The following ZNF383 variants were observed in gnomAD, a reference collection of about 807,000 sequenced individuals.
The protein encoded by ZNF383 is zinc finger protein 383.
In ZNF383, 32 loss-of-function variants were observed where a neutral mutation model predicts 44.2. The ratio of observed to expected loss-of-function variants is 0.72; its 90% CI spans 0.55 to 0.97. The LOEUF is 0.97. Ranked by LOEUF, ZNF383 falls within the 50% of genes least tolerant of loss-of-function variation. The pLI, the probability that ZNF383 is intolerant of heterozygous loss-of-function variation, is 0.00. For missense variants in ZNF383, 487 were observed against 562.5 expected (o/e 0.87, Z 1.36); for synonymous variants, 155 against 186.2 (o/e 0.83, Z 1.36).
In ZNF383 at chr19:37,246,970, C is replaced by T. The variant is rs1431635217; in HGVS notation, c.*3306C>T. 1.3e-5 allele frequency: 2 copies of T among 152,066 alleles called. No homozygotes were observed. Among genetic ancestry groups the T allele is most frequent in the Non-Finnish European group, 2.9e-5 (2 of 68,018 alleles). 9.4% of individuals were successfully genotyped at this position (152,066 alleles called of 1,614,324 possible). ...AGAAGAAGCAGTACAATAGGATAAC[C>T]ATCAAATATCTGATTATTAATTCAA... On this transcript the variant is annotated 3_prime_UTR_variant, in exon 6 of 6. Transcript: ENST00000684119.
In ZNF383 at chr19:37,243,510, A is replaced by T; in HGVS notation, c.1274A>T (p.Asn425Ile). 1 of 1,614,134 alleles carries T rather than the reference A, an allele frequency of 6.2e-7. No homozygotes were observed. Among genetic ancestry groups the T allele is most frequent in the Non-Finnish European group, 8.5e-7 (1 of 1,179,998 alleles). ...IHTDEKPYEC[N>I]ECGKAFNKCS... is the part of the protein sequence containing the mutation. ...ACAGATGAAAAACCATATGAATGTAATGAATGTGGAAAGGCCTTTAATAAA... is the reference window on the plus strand; with the variant it reads ...ACAGATGAAAAACCATATGAATGTATTGAATGTGGAAAGGCCTTTAATAAA... Residue 425 changes from asparagine to isoleucine, a missense_variant, in exon 6 of 6, where the codon AAT (asparagine) becomes ATT (isoleucine). By Grantham distance (149) the Asn-to-Ile change is moderately radical. Transcript: ENST00000684119.
At chr19:37,219,991 C>T (rs1972841256) in intron 1 of ZNF383, among the ~76,000 whole-genome samples, 1 of 152,054 alleles carries the variant, frequency 6.6e-6, no homozygotes, top group African/African-American at 2.4e-5. Context: ...ACACTCTCCC[C>T]TCCTCTGTCT....
rs1461958466 is a variant in ZNF383 at position 37,245,738 on chromosome 19, T to C, written c.*2074T>C. 1 of 151,182 alleles carries C rather than the reference T, an allele frequency of 6.6e-6. No homozygotes were observed. The highest frequency in any genetic ancestry group is 2.4e-5 in the African/African-American group (1 of 41,044). 9.4% of individuals were successfully genotyped at this position (151,182 alleles called of 1,614,324 possible). ...TCCACCCACCTCGGCCTCCCAAAGT[T>C]CGGGGATTACAGGTGTGAGCCACTG... On this transcript the variant is annotated 3_prime_UTR_variant, in exon 6 of 6. Transcript: ENST00000684119.
At position 37,235,254 on chromosome 19, in the gene ZNF383, C is replaced by G. The variant is rs1040876667; in HGVS notation, c.10-295C>G. On this transcript the variant is annotated intron_variant, in intron 3 of 5. Transcript: ENST00000684119. ...TGCCACTGCACTCTAGTCTGGGTGACAAAAGCGAATTTCTGTCTCAAAAAA... is the reference window on the plus strand; with the variant it reads ...TGCCACTGCACTCTAGTCTGGGTGAGAAAAGCGAATTTCTGTCTCAAAAAA... Among the ~76,000 whole-genome samples the G allele has an allele frequency of 5.0e-5, 7 of 140,090 alleles. No homozygotes were observed. In the South Asian group the frequency reaches 1.6e-3, roughly 32 times the overall value. 91.9% of individuals were successfully genotyped at this position (140,090 alleles called of 152,430 possible).
chr19:37,243,482 C>A lies in ZNF383; in HGVS notation c.1246C>A (p.His416Asn), dbSNP rs752872231. 1.2e-6 allele frequency: 2 copies of A among 1,614,018 alleles called. No individual in the cohort carries two copies. Among genetic ancestry groups the A allele is most frequent in the Non-Finnish European group, 1.7e-6 (2 of 1,179,948 alleles). ...NSQLFQHQRI[H>N]TDEKPYECNE... ...ACAACTTTTCCAGCATCAGAGAATT[C>A]ATACAGATGAAAAACCATATGAATG... Residue 416 changes from histidine (H) to asparagine (N), a missense_variant, in exon 6 of 6, where the codon CAT (histidine) becomes AAT (asparagine). His to Asn is a moderately conservative substitution (Grantham distance 68, BLOSUM62 1). Coordinates refer to ENST00000684119, the MANE Select transcript of ZNF383 (RefSeq NM_001387601.1).
intron 5 of ZNF383, among the ~76,000 whole-genome samples, chr19:37,236,865 G>T (rs938233120): frequency 2.6e-5 from 4 of 151,728 alleles, no homozygotes; most frequent in Non-Finnish European, 5.9e-5. Context: ...ACCGCGTCCG[G>T]CCCCTCTTCT....
intron 5 of ZNF383, among the ~76,000 whole-genome samples, chr19:37,240,434 T>C (rs1974030153): frequency 6.6e-6 from 1 of 152,194 alleles, no homozygotes; most frequent in African/African-American, 2.4e-5. Context: ...AATGGTAGCT[T>C]AGAGATTAAA....
intron 3 of ZNF383, among the ~76,000 whole-genome samples, chr19:37,232,180 A>G (rs1973524541): frequency 6.6e-6 from 1 of 151,826 alleles, no homozygotes; most frequent in African/African-American, 2.4e-5. Context: ...GGTTCAAGCA[A>G]TTCTCTGCCT....
chr19:37,233,278 G>T (rs1357377874), intron 3 of ZNF383, among the ~76,000 whole-genome samples: 2 of 147,804 alleles, frequency 1.4e-5, no homozygotes, highest in African/African-American at 5.0e-5. Flanking sequence ...TTACAGGCGC[G>T]TGCCACCACG....
intron 3 of ZNF383, among the ~76,000 whole-genome samples, chr19:37,233,120 G>GTATTTATT (rs56893941): frequency 1.5e-4 from 22 of 150,922 alleles, no homozygotes; most frequent in Admixed American, 7.9e-4. Context: ...ATTTGTTTTT[G>GTATTTATT]TATTTATTTA....
intron 3 of ZNF383, among the ~76,000 whole-genome samples, chr19:37,231,758 C>T (rs536772977): frequency 1.7e-4 from 26 of 152,060 alleles, no homozygotes; most frequent in Non-Finnish European, 3.1e-4. Context: ...CTGCATAGGA[C>T]GAGCAAAAGG....
chr19:37,238,847 G>T (rs933409950), intron 5 of ZNF383, among the ~76,000 whole-genome samples: 3 of 152,170 alleles, frequency 2.0e-5, no homozygotes, highest in African/African-American at 7.2e-5. Context: ...TCTTGCTCTA[G>T]GGGTTCCTAA....
chr19:37,245,308 G>A lies in ZNF383; in HGVS notation c.*1644G>A, dbSNP rs1037812783. 2 of 152,018 alleles carry A rather than the reference G, an allele frequency of 1.3e-5. No individual in the cohort carries two copies. Among genetic ancestry groups the A allele is most frequent in the African/African-American group, 4.8e-5 (2 of 41,396 alleles). The allele number at this position is 152,018 out of a possible 1,614,324, so 9.4% of individuals were successfully genotyped here. A position where few individuals can be genotyped will look rare whatever the true frequency, so the allele number is the denominator to read the frequency against. On this transcript the variant is annotated 3_prime_UTR_variant, in exon 6 of 6. Coordinates refer to ENST00000684119, the MANE Select transcript of ZNF383 (RefSeq NM_001387601.1). ...ACAAAAACTGCTGACCTCATTGGAT[G>A]CTTATTTTTACTTTTAAAACATTTA...
At chr19:37,234,089 C>T (rs1973647420) in intron 3 of ZNF383, among the ~76,000 whole-genome samples, 2 of 152,194 alleles carry the variant, frequency 1.3e-5, no homozygotes, top group African/African-American at 4.8e-5. Context: ...GTCTTGAACT[C>T]CTGACCTCAG....
chr19:37,241,282 T>C (rs1176064709), intron 5 of ZNF383, among the ~76,000 whole-genome samples: 1 of 152,206 alleles, frequency 6.6e-6, no homozygotes, highest in African/African-American at 2.4e-5. Context: ...GTCCCCCGGC[T>C]ACCTGCAGGT....
rs1459533413 is a variant in ZNF383 at position 37,246,985 on chromosome 19, T to C, written c.*3321T>C. The stretch of plus-strand genomic sequence containing the variant: ...ATAGGATAACCATCAAATATCTGAT[T>C]ATTAATTCAATATTCCCTCTTAATT... On this transcript the variant is annotated 3_prime_UTR_variant, in exon 6 of 6. Transcript: ENST00000684119. 1 of 152,210 alleles carries C rather than the reference T, an allele frequency of 6.6e-6. No individual in the cohort carries two copies. The highest frequency in any genetic ancestry group is 1.5e-5 in the Non-Finnish European group (1 of 68,038). The allele number at this position is 152,210 out of a possible 1,614,324, so 9.4% of individuals were successfully genotyped here.
chr19:37,242,282 C>T (rs1290680133), intron 5 of ZNF383, among the ~76,000 whole-genome samples, 187 bp from the exon 6 acceptor site: 1 of 151,896 alleles, frequency 6.6e-6, no homozygotes, highest in African/African-American at 2.4e-5. Flanking sequence ...TCCTCTGCTT[C>T]CTGCATTATC....
intron 4 of ZNF383, 35 bp downstream of exon 4, chr19:37,235,710 C>T: frequency 6.5e-7 from 1 of 1,548,604 alleles, no homozygotes; most frequent in Non-Finnish European, 8.7e-7. Context: ...CCCAGTTCTC[C>T]TCTGGAATGT....
At chr19:37,235,827 G>A (rs1392939703) in intron 4 of ZNF383, 152 bp downstream of exon 4, 4 of 1,280,906 alleles carry the variant, frequency 3.1e-6, no homozygotes, top group African/African-American at 3.0e-5. Flanking sequence ...AGGAAGAGTG[G>A]GAAATTGGCA....
Sources: gnomAD v4.1 joint callset for allele counts (sites outside exome capture counted in the v4.1 genomes callset) on GRCh38, gnomAD v4.1.1 for gene constraint, MANE v1.5 for transcripts, NCBI Gene and HGNC (gene_info 2026-07-23, HGNC 2026-07-21) for gene names.